MTCL3: variants seen among roughly 807,000 people sequenced by gnomAD.
The protein encoded by MTCL3 is microtubule cross-linking factor 3.
the MTCL3 span, among the ~76,000 whole-genome samples, chr6:127,497,892 C>A: frequency 6.6e-6 from 1 of 152,108 alleles, no homozygotes; most frequent in Admixed American, 6.5e-5. Context: ...TCGAGATCCA[C>A]ATGCAAAAAG....
chr6:127,474,934 C>T, the MTCL3 span, among the ~76,000 whole-genome samples: 1 of 152,220 alleles, frequency 6.6e-6, no homozygotes, highest in Non-Finnish European at 1.5e-5. Flanking sequence ...GACCATCTTG[C>T]AGTTCATCTG....
chr6:127,475,168 G>T, the MTCL3 span: 1 of 977,800 alleles, frequency 1.0e-6, no homozygotes, highest in Non-Finnish European at 1.5e-6. This position sits in a 1 kb window ranked among gnomAD's most constrained non-coding sequence, Gnocchi z 7.3. Flanking sequence ...AGGCCCCAGC[G>T]CGGCCCTGAG....
the MTCL3 span, among the ~76,000 whole-genome samples, chr6:127,494,641 G>T: frequency 6.6e-6 from 1 of 152,206 alleles, no homozygotes; most frequent in Admixed American, 6.5e-5. Flanking sequence ...AAGGCTACCA[G>T]TGAAGTAGTT....
chr6:127,500,652 T>G, the MTCL3 span, among the ~76,000 whole-genome samples: 1 of 152,326 alleles, frequency 6.6e-6, no homozygotes, highest in East Asian at 1.9e-4. Flanking sequence ...CCATTAGTTA[T>G]TTTTCCTGAT....
At chr6:127,487,754 G>C in the MTCL3 span, among the ~76,000 whole-genome samples, 2 of 152,174 alleles carry the variant, frequency 1.3e-5, no homozygotes, top group African/African-American at 4.8e-5. Flanking sequence ...GCACATGCCA[G>C]GGTGATCAAG....
At chr6:127,480,243 C>G in the MTCL3 span, among the ~76,000 whole-genome samples, 1 of 152,184 alleles carries the variant, frequency 6.6e-6, no homozygotes, top group African/African-American at 2.4e-5. Context: ...CAACAACTCT[C>G]TATTATGATT....
At chr6:127,493,124 A>G in the MTCL3 span, among the ~76,000 whole-genome samples, 1 of 152,186 alleles carries the variant, frequency 6.6e-6, no homozygotes, top group East Asian at 1.9e-4. Flanking sequence ...TAGTTTTAGC[A>G]AACTTTGTTT....
At chr6:127,473,150 A>G in the MTCL3 span, 6 of 1,229,726 alleles carry the variant, frequency 4.9e-6, no homozygotes, top group African/African-American at 3.1e-5. Context: ...CTTTTTAAAG[A>G]AATAAGCAGT....
the MTCL3 span, chr6:127,476,472 A>AT: frequency 6.4e-7 from 1 of 1,558,790 alleles, no homozygotes; most frequent in Admixed American, 2.0e-5. The surrounding 1 kb of genome is among the most constrained non-coding windows in gnomAD (Gnocchi z 4.4). Flanking sequence ...TGTCCTCCTC[A>AT]TTTGGGGGAA....
At chr6:127,516,396 C>G in the MTCL3 span, 1 of 1,600,660 alleles carries the variant, frequency 6.2e-7, no homozygotes. Context: ...GCTGCAGCTG[C>G]TGCTGCCGAA....
At chr6:127,514,868 C>T in the MTCL3 span, 1 of 1,613,980 alleles carries the variant, frequency 6.2e-7, no homozygotes, top group Non-Finnish European at 8.5e-7. Context: ...CGTCGATTTC[C>T]CCGGTCTGGG....
the MTCL3 span, among the ~76,000 whole-genome samples, chr6:127,505,608 A>C: frequency 6.6e-6 from 1 of 152,202 alleles, no homozygotes; most frequent in African/African-American, 2.4e-5. Context: ...TCTGTACAAC[A>C]AACCCCCATG....
the MTCL3 span, among the ~76,000 whole-genome samples, chr6:127,504,579 G>A: frequency 6.6e-5 from 10 of 152,046 alleles, no homozygotes; most frequent in Non-Finnish European, 1.3e-4. Flanking sequence ...GAATAGTGTC[G>A]TTTATTACTG....
chr6:127,479,015 TAA>T, the MTCL3 span, among the ~76,000 whole-genome samples: 8 of 52,312 alleles, frequency 1.5e-4, no homozygotes, highest in Admixed American at 4.4e-4. Context: ...AGACTCCATC[TAA>T]AAAAAAAAAA....
the MTCL3 span, among the ~76,000 whole-genome samples, chr6:127,507,405 A>C: frequency 6.6e-6 from 1 of 152,214 alleles, no homozygotes; most frequent in African/African-American, 2.4e-5. Flanking sequence ...ATTATATTGC[A>C]CAAAAATAAT....
the MTCL3 span, chr6:127,473,250 ATAC>A: frequency 4.0e-6 from 6 of 1,484,184 alleles, no homozygotes; most frequent in South Asian, 1.4e-5. Flanking sequence ...CAAACTGAAA[ATAC>A]TACAATGAAT....
chr6:127,513,887 A>G, the MTCL3 span, among the ~76,000 whole-genome samples: 1 of 152,206 alleles, frequency 6.6e-6, no homozygotes, highest in African/African-American at 2.4e-5. Context: ...ATAATAATGT[A>G]TGTAACAGTG....
the MTCL3 span, among the ~76,000 whole-genome samples, chr6:127,507,735 G>T: frequency 6.6e-6 from 1 of 151,490 alleles, no homozygotes; most frequent in South Asian, 2.1e-4. Context: ...CCCAGCTGCT[G>T]GGGAGGCTGA....
chr6:127,503,467 A>G, the MTCL3 span, among the ~76,000 whole-genome samples: 11 of 152,322 alleles, frequency 7.2e-5, 1 homozygote, highest in African/African-American at 2.6e-4. Context: ...GAAGATATCA[A>G]GCAAATTCCA....
Sources: gnomAD v4.1 joint callset for allele counts (sites outside exome capture counted in the v4.1 genomes callset) on GRCh38, gnomAD v4.1.1 for gene constraint, Gnocchi (gnomAD v3.1) non-coding constraint, MANE v1.5 for transcripts, NCBI Gene and HGNC (gene_info 2026-07-23, HGNC 2026-07-21) for gene names.